Variants in KIF2A observed in about 807,000 individuals in gnomAD.
The protein encoded by KIF2A is kinesin family member 2A, also known as kinesin-like protein KIF2A.
In KIF2A, 22 loss-of-function variants were observed where a neutral mutation model predicts 100.2. That is an observed-to-expected ratio of 0.22 (90% CI 0.16 to 0.31). The LOEUF (loss-of-function observed/expected upper bound fraction) is 0.31. KIF2A is among the 10% of genes least tolerant of loss of function. The probability of loss-of-function intolerance (pLI) is 1.00; values close to 1 mark genes in which losing one functional copy is unlikely to be tolerated. For missense variants in KIF2A, 495 were observed against 898.7 expected, an observed-to-expected ratio of 0.55 and a Z score of 5.74; for synonymous variants, 268 against 285.9, an observed-to-expected ratio of 0.94 and a Z score of 0.63.
chr5:62,363,944 TTTAA>T, intron 14 of KIF2A, 45 bp downstream of exon 14: 1 of 1,451,262 alleles, frequency 6.9e-7, no homozygotes, highest in Non-Finnish European at 9.4e-7. Flanking sequence ...TACTTTTGAC[TTTAA>T]TTTTCTTTAC....
chr5:62,310,124 G>A (rs923488823), intron 1 of KIF2A, among the ~76,000 whole-genome samples: 1 of 141,188 alleles, frequency 7.1e-6, no homozygotes, highest in South Asian at 2.2e-4. Context: ...TGCGATCTCC[G>A]CTCACTACAA....
At chr5:62,347,635 T>G (rs1375788947) in intron 2 of KIF2A, among the ~76,000 whole-genome samples, 3 of 152,114 alleles carry the variant, frequency 2.0e-5, no homozygotes, top group East Asian at 1.9e-4. Flanking sequence ...TTCTTTTTTT[T>G]TTGTTTTTGA....
At chr5:62,334,675 C>T (rs904616249) in intron 1 of KIF2A, among the ~76,000 whole-genome samples, 7 of 152,244 alleles carry the variant, frequency 4.6e-5, no homozygotes, top group African/African-American at 1.4e-4. Flanking sequence ...CAGGTCCAGC[C>T]GATGCCAGAA....
In KIF2A at chr5:62,388,814, A is replaced by G. The variant is rs1742157343; in HGVS notation, c.*3245A>G. 2 of 602,498 alleles carry G rather than the reference A, an allele frequency of 3.3e-6. No homozygotes were observed. The highest frequency in any genetic ancestry group is 4.1e-5 in the South Asian group (2 of 48,556). 37.3% of individuals were successfully genotyped at this position (602,498 alleles called of 1,614,324 possible). On this transcript the variant is annotated 3_prime_UTR_variant, in exon 21 of 21. Transcript: ENST00000407818. The stretch of plus-strand genomic sequence containing the variant: ...TATGAATAGATTGGACCAGCATTAT[A>G]TATTAAAAACTTTGATACTTAGAAC...
chr5:62,319,843 G>C (rs182528413), intron 1 of KIF2A, among the ~76,000 whole-genome samples: 30 of 152,206 alleles, frequency 2.0e-4, no homozygotes, highest in Admixed American at 7.2e-4. Context: ...GTTTTGAATA[G>C]CAATATAGTC....
At chr5:62,308,509 T>C (rs1336002457) in intron 1 of KIF2A, 2 of 712,580 alleles carry the variant, frequency 2.8e-6, no homozygotes, top group Admixed American at 2.0e-5. Flanking sequence ...TGTCCATCGA[T>C]GGGTGAGGAA....
chr5:62,350,199 T>A (rs1157269195), intron 4 of KIF2A, 79 bp downstream of exon 4: 7 of 744,012 alleles, frequency 9.4e-6, no homozygotes, highest in Non-Finnish European at 1.5e-5. Flanking sequence ...AAAGTAAACA[T>A]TACCCTTGAT....
intron 4 of KIF2A, 53 bp downstream of exon 4, chr5:62,350,173 C>G (rs984476124): frequency 4.9e-6 from 5 of 1,013,072 alleles, no homozygotes; most frequent in African/African-American, 3.4e-5. Flanking sequence ...TAGTATGTTC[C>G]TGACAAGGTA....
At chr5:62,348,323 T>C (rs1747680593) in intron 3 of KIF2A, among the ~76,000 whole-genome samples, 156 bp downstream of exon 3, 1 of 152,220 alleles carries the variant, frequency 6.6e-6, no homozygotes, top group African/African-American at 2.4e-5. Flanking sequence ...ATACATATTT[T>C]CAAGGATTGA....
intron 18 of KIF2A, among the ~76,000 whole-genome samples, chr5:62,376,406 T>G (rs570765862): frequency 9.7e-4 from 147 of 151,540 alleles, no homozygotes; most frequent in Admixed American, 1.8e-3. Context: ...GAGAAGTTTT[T>G]TTTGTTTGTT....
At chr5:62,328,324 T>TG (rs1034120675) in intron 1 of KIF2A, among the ~76,000 whole-genome samples, 1 of 151,584 alleles carries the variant, frequency 6.6e-6, no homozygotes, top group African/African-American at 2.4e-5. Context: ...TGTGTGGTTT[T>TG]TTTTTTTTTT....
chr5:62,386,728 G>GTTGT lies in KIF2A; in HGVS notation c.*1163_*1166dup. On this transcript the variant is annotated 3_prime_UTR_variant, in exon 21 of 21. Transcript: ENST00000407818. ...CCAGTACCAAATGTGAAACTTCATT[G>GTTGT]TTGTTTGGTGAGAATCGCCAAATTC... 6.6e-6 allele frequency among the ~76,000 whole-genome samples: 1 copy of GTTGT among 152,332 alleles called. No homozygotes were observed. The highest frequency in any genetic ancestry group is 2.1e-4 in the South Asian group (1 of 4,826).
chr5:62,381,319 C>T, intron 20 of KIF2A, 66 bp downstream of exon 20: 1 of 1,330,064 alleles, frequency 7.5e-7, no homozygotes, highest in Non-Finnish European at 1.1e-6. Flanking sequence ...GGTGAGAGGG[C>T]TTCTTCGTAT....
chr5:62,354,799 C>T (rs139385352), intron 6 of KIF2A, among the ~76,000 whole-genome samples: 393 of 152,110 alleles, frequency 2.6e-3, no homozygotes, highest in Non-Finnish European at 4.5e-3. Context: ...AGTTATTTGC[C>T]AGTGGTAACA....
intron 7 of KIF2A, among the ~76,000 whole-genome samples, chr5:62,357,323 A>T (rs1392246993): frequency 6.6e-6 from 1 of 152,058 alleles, no homozygotes; most frequent in African/African-American, 2.4e-5. Flanking sequence ...ACCTCAGGTG[A>T]TCTGCCCACC....
chr5:62,379,594 G>T (rs555088166), intron 19 of KIF2A, among the ~76,000 whole-genome samples: 4 of 151,542 alleles, frequency 2.6e-5, no homozygotes, highest in Non-Finnish European at 5.9e-5. Context: ...CCCAGCAGGC[G>T]GAGGTTGCAG....
intron 15 of KIF2A, among the ~76,000 whole-genome samples, 185 bp downstream of exon 15, chr5:62,365,538 C>G (rs780018115): frequency 1.3e-5 from 2 of 152,112 alleles, no homozygotes; most frequent in Admixed American, 6.6e-5. Flanking sequence ...TTATATAATT[C>G]CAGCATCTAG....
At chr5:62,359,925 T>C (rs1351614220) in intron 9 of KIF2A, among the ~76,000 whole-genome samples, 2 of 152,186 alleles carry the variant, frequency 1.3e-5, no homozygotes, top group Admixed American at 6.5e-5. Flanking sequence ...GTTTTGCCTT[T>C]TACAAAACAA....
intron 18 of KIF2A, among the ~76,000 whole-genome samples, chr5:62,374,981 A>G (rs1340424598): frequency 6.6e-6 from 1 of 152,164 alleles, no homozygotes; most frequent in African/African-American, 2.4e-5. Context: ...ATGCATCTAT[A>G]TTGAAAGGAT....
Sources: gnomAD v4.1 joint callset for allele counts (sites outside exome capture counted in the v4.1 genomes callset) on GRCh38, gnomAD v4.1.1 for gene constraint, MANE v1.5 for transcripts, NCBI Gene and HGNC (gene_info 2026-07-23, HGNC 2026-07-21) for gene names.